Variants in MAP3K20 observed in about 807,000 individuals in gnomAD.
MAP3K20 encodes HCCS-4.
In MAP3K20, 40 loss-of-function variants were observed where a neutral mutation model predicts 85.7. That is an observed-to-expected ratio of 0.47 (90% CI 0.36 to 0.61). The LOEUF (loss-of-function observed/expected upper bound fraction) is 0.61. Ranked by LOEUF, MAP3K20 falls within the 20% of genes least tolerant of loss-of-function variation. The pLI is 0.00. For missense variants in MAP3K20, 817 were observed against 961.7 expected (o/e 0.85, Z 1.99); for synonymous variants, 325 against 327.7 (o/e 0.99, Z 0.09).
chr2:173,182,123 T>G (rs761114841), intron 3 of MAP3K20, among the ~76,000 whole-genome samples: 3 of 152,090 alleles, frequency 2.0e-5, no homozygotes, highest in Non-Finnish European at 4.4e-5. Flanking sequence ...GGGAATGATG[T>G]CAGACACAAG....
At chr2:173,075,627 G>A (rs1483860385), upstream of MAP3K20, 7 of 513,532 alleles carry the variant, frequency 1.4e-5, no homozygotes, top group South Asian at 4.2e-4. Context: ...GGTGCTGGGG[G>A]CGAGGGGGAA....
Position 173,232,635 on chromosome 2 carries a change from C to T in MAP3K20, c.1203+176C>T, listed in dbSNP as rs190255289. Among the ~76,000 whole-genome samples, 393 of 152,290 alleles carry T rather than the reference C, an allele frequency of 2.6e-3. 3 individuals carry two copies. The highest frequency in any genetic ancestry group is 9.1e-3 in the African/African-American group (380 of 41,558). ...TCTCCTGCCTCAGCCTCCCAAGTAG[C>T]TGGGATTACAGAAGCGTGCCACCAC... On this transcript the variant is annotated intron_variant, in intron 14 of 19. Transcript: ENST00000375213.
intron 11 of MAP3K20, among the ~76,000 whole-genome samples, chr2:173,218,552 T>C (rs1224438682): frequency 1.3e-5 from 2 of 152,202 alleles, no homozygotes; most frequent in African/African-American, 4.8e-5. Flanking sequence ...TCTAGGGATC[T>C]GCACAGGAGC....
At chr2:173,171,988 G>T (rs1305975636) in intron 3 of MAP3K20, among the ~76,000 whole-genome samples, 4 of 152,202 alleles carry the variant, frequency 2.6e-5, no homozygotes, top group African/African-American at 9.7e-5. Context: ...TCCTAGAGAT[G>T]TTAGTTTTAA....
intron 3 of MAP3K20, among the ~76,000 whole-genome samples, chr2:173,177,432 A>G (rs1231023645): frequency 6.7e-6 from 1 of 148,864 alleles, no homozygotes; most frequent in Non-Finnish European, 1.5e-5. Flanking sequence ...TCAAAGAAGA[A>G]ATCACAATAG....
chr2:173,255,893 T>C lies in MAP3K20; in HGVS notation c.1360-2806T>C, dbSNP rs190064190. Among the ~76,000 whole-genome samples, 392 of 152,310 alleles carry C rather than the reference T, an allele frequency of 2.6e-3. 1 individual carries two copies. Among genetic ancestry groups the C allele is most frequent in the African/African-American group, 8.9e-3 (368 of 41,558 alleles). On this transcript the variant is annotated intron_variant, in intron 16 of 19. Coordinates refer to ENST00000375213, the MANE Select transcript of MAP3K20 (RefSeq NM_016653.3). ...GAAGAGCAATCATGACACCAAACAG[T>C]CATTATCCTGCCCACTTACCTCAGG...
intron 2 of MAP3K20, among the ~76,000 whole-genome samples, chr2:173,096,574 G>A (rs1178790382): frequency 1.3e-5 from 2 of 152,188 alleles, no homozygotes; most frequent in South Asian, 2.1e-4. Flanking sequence ...TCCTGACCTC[G>A]TGCTCCACCC....
intron 2 of MAP3K20, among the ~76,000 whole-genome samples, chr2:173,116,084 T>C (rs1688115486): frequency 6.6e-6 from 1 of 151,652 alleles, no homozygotes; most frequent in South Asian, 2.1e-4. Flanking sequence ...ACTCCTGAGC[T>C]CAAGCAATCC....
intron 2 of MAP3K20, among the ~76,000 whole-genome samples, chr2:173,142,899 C>T (rs921371953): frequency 1.3e-5 from 2 of 152,078 alleles, no homozygotes; most frequent in African/African-American, 4.8e-5. Flanking sequence ...CAGTGGCTCA[C>T]ACCTCTAATC....
intron 16 of MAP3K20, among the ~76,000 whole-genome samples, chr2:173,251,997 A>G (rs989343829): frequency 2.0e-5 from 3 of 152,212 alleles, no homozygotes; most frequent in African/African-American, 7.2e-5. Context: ...AGAGAGAGAG[A>G]GAGATTGAGA....
chr2:173,116,965 G>A (rs182823758), intron 2 of MAP3K20, among the ~76,000 whole-genome samples: 1 of 152,292 alleles, frequency 6.6e-6, no homozygotes, highest in Admixed American at 6.5e-5. Flanking sequence ...CTGGATCATT[G>A]TTCTTGAATG....
chr2:173,222,481 T>TG (rs1480254996), intron 11 of MAP3K20: 1 of 985,756 alleles, frequency 1.0e-6, no homozygotes, highest in Non-Finnish European at 1.2e-6. Flanking sequence ...CATTTAAGGC[T>TG]GTGCTTGTGC....
At chr2:173,160,370 T>C (rs1002053238) in intron 2 of MAP3K20, 3 of 152,220 alleles carry the variant, frequency 2.0e-5, no homozygotes, top group Admixed American at 2.0e-4. Flanking sequence ...ACAGCAGTTT[T>C]AGACATAGAA....
intron 16 of MAP3K20, among the ~76,000 whole-genome samples, chr2:173,255,025 G>T (rs1428173207): frequency 6.6e-6 from 1 of 152,136 alleles, no homozygotes; most frequent in Non-Finnish European, 1.5e-5. Flanking sequence ...CTTGTCTTAT[G>T]ACTTCCTTGA....
At chr2:173,095,661 A>G (rs1191588723) in intron 2 of MAP3K20, among the ~76,000 whole-genome samples, 1 of 152,190 alleles carries the variant, frequency 6.6e-6, no homozygotes, top group Non-Finnish European at 1.5e-5. Flanking sequence ...GTGCAGAAAG[A>G]TGGATATAAT....
At chr2:173,201,912 A>G (rs114492145) in intron 8 of MAP3K20, among the ~76,000 whole-genome samples, 144 of 152,336 alleles carry the variant, frequency 9.5e-4, no homozygotes, top group Admixed American at 1.8e-3. Flanking sequence ...TGTGGTATCT[A>G]AACAGTTTTT....
intron 14 of MAP3K20, among the ~76,000 whole-genome samples, chr2:173,234,395 G>A (rs1282944585): frequency 6.6e-6 from 1 of 152,230 alleles, no homozygotes; most frequent in African/African-American, 2.4e-5. Flanking sequence ...CTGGGCCTAT[G>A]AAGATTCAAA....
At chr2:173,182,986 T>TTGCACTC (rs1160240911) in intron 4 of MAP3K20, 31 bp downstream of exon 4, 26 of 1,540,720 alleles carry the variant, frequency 1.7e-5, no homozygotes, top group Non-Finnish European at 2.3e-5. Context: ...CTTATAGAAT[T>TTGCACTC]AGTGGGGTGC....
chr2:173,146,897 C>A (rs1272805496), intron 2 of MAP3K20, among the ~76,000 whole-genome samples: 1 of 152,174 alleles, frequency 6.6e-6, no homozygotes, highest in African/African-American at 2.4e-5. Flanking sequence ...TTATAACCAT[C>A]CTAGTGGGTG....
Sources: gnomAD v4.1 joint callset for allele counts (sites outside exome capture counted in the v4.1 genomes callset) on GRCh38, gnomAD v4.1.1 for gene constraint, MANE v1.5 for transcripts, NCBI Gene and HGNC (gene_info 2026-07-23, HGNC 2026-07-21) for gene names.